NAALAD2: variants seen among roughly 807,000 people sequenced by gnomAD.
The protein encoded by NAALAD2 is N-acetylated-alpha-linked acidic dipeptidase 2.
A neutral mutation model predicts 95.6 loss-of-function variants in NAALAD2; 89 were observed. That is an observed-to-expected ratio of 0.93 (90% CI 0.78 to 1.11). The LOEUF is 1.11. Ranked by LOEUF, NAALAD2 falls within the 50% of genes least tolerant of loss-of-function variation. The pLI is 0.00. For synonymous variants in NAALAD2, 264 were observed against 294.4 expected (o/e 0.90, Z 1.06); for missense variants, 894 against 872.4 (o/e 1.02, Z -0.31).
intron 18 of NAALAD2, among the ~76,000 whole-genome samples, chr11:90,186,743 TA>T (rs1857154339): frequency 6.9e-6 from 1 of 145,550 alleles, no homozygotes; most frequent in South Asian, 2.4e-4. Context: ...ACCTAGGCAT[TA>T]CCATTCAGGA....
intron 16 of NAALAD2, 144 bp from the exon 17 acceptor site, chr11:90,181,476 A>G (rs1952965978): frequency 4.9e-6 from 3 of 614,866 alleles, no homozygotes; most frequent in Non-Finnish European, 8.8e-6. Context: ...ATTTTCTACT[A>G]ATTTTCATGG....
chr11:90,142,649 T>A (rs1360503166), intron 2 of NAALAD2, among the ~76,000 whole-genome samples: 1 of 152,134 alleles, frequency 6.6e-6, no homozygotes, highest in Non-Finnish European at 1.5e-5. Flanking sequence ...ATAATAGATA[T>A]TTGCTTTTTT....
chr11:90,163,502 G>A (rs773170071), intron 10 of NAALAD2, 33 bp from the exon 11 acceptor site: 73 of 1,613,224 alleles, frequency 4.5e-5, no homozygotes, highest in Non-Finnish European at 6.0e-5. Context: ...TTAGGCAGTT[G>A]TACCTAACCA....
chr11:90,161,569 G>A (rs775073644), intron 8 of NAALAD2, among the ~76,000 whole-genome samples: 7 of 152,138 alleles, frequency 4.6e-5, no homozygotes, highest in African/African-American at 7.2e-5. Context: ...TATTTGAAAC[G>A]TGATAAGTTT....
In NAALAD2 at chr11:90,178,075, A is replaced by G; in HGVS notation, c.1816A>G (p.Lys606Glu). The G allele has an allele frequency of 6.2e-7, 1 of 1,613,226 alleles. No individual in the cohort carries two copies. The change falls in exon 16 of 19, where the codon AAG (lysine) becomes GAG (glutamate). Residue 606 changes from lysine (K) to glutamate (E), a missense_variant. Lys to Glu is a moderately conservative substitution (Grantham distance 56, BLOSUM62 1). Transcript: ENST00000534061. Reference protein sequence around the residue: ...NYAASIYNLSKKHDQQLTDHG... With the variant: ...NYAASIYNLSEKHDQQLTDHG... Reference sequence around the variant, plus strand: ...TGCAGCAAGTATCTATAATCTATCTAAGAAACATGATCAACAATTGACAGA... The same window carrying G: ...TGCAGCAAGTATCTATAATCTATCTGAGAAACATGATCAACAATTGACAGA...
chr11:90,165,874 A>C (rs1379505139), intron 11 of NAALAD2, among the ~76,000 whole-genome samples: 4 of 152,324 alleles, frequency 2.6e-5, no homozygotes, highest in African/African-American at 9.6e-5. Flanking sequence ...AGCTGAACAT[A>C]AAGAAATCTA....
In NAALAD2 at chr11:90,163,492, T is replaced by C. The variant is rs563966731; in HGVS notation, c.1196-43T>C. Reference sequence around the variant, plus strand: ...GACTTACTGAATTTTCTTTTATTTTTTAGGCAGTTGTACCTAACCACGTGT... The same window carrying C: ...GACTTACTGAATTTTCTTTTATTTTCTAGGCAGTTGTACCTAACCACGTGT... On this transcript the variant is annotated intron_variant, in intron 10 of 18. Coordinates refer to ENST00000534061, the MANE Select transcript of NAALAD2 (RefSeq NM_005467.4). The C allele has an allele frequency of 4.2e-5, 68 of 1,613,242 alleles. 1 individual carries two copies. The South Asian group carries it at 6.4e-4, about 15-fold the overall frequency.
chr11:90,190,514 T>C (rs1857292310), intron 18 of NAALAD2, among the ~76,000 whole-genome samples: 2 of 152,196 alleles, frequency 1.3e-5, no homozygotes, highest in African/African-American at 4.8e-5. Context: ...TCGCTTCCTA[T>C]ATCAAATTTT....
At chr11:90,149,989 C>T (rs1209328140) in intron 4 of NAALAD2, among the ~76,000 whole-genome samples, 1 of 152,154 alleles carries the variant, frequency 6.6e-6, no homozygotes, top group Non-Finnish European at 1.5e-5. Flanking sequence ...TGGTGGCTCA[C>T]ACCTGTAATC....
intron 3 of NAALAD2, 39 bp from the exon 4 acceptor site, chr11:90,148,967 T>C (rs1951819603): frequency 1.6e-6 from 2 of 1,286,398 alleles, no homozygotes; most frequent in Admixed American, 3.7e-5. Context: ...AATAATAATC[T>C]GGAATTTTTC....
chr11:90,132,969 T>C (rs1260430502), upstream of NAALAD2, among the ~76,000 whole-genome samples: 2 of 152,210 alleles, frequency 1.3e-5, no homozygotes, highest in African/African-American at 4.8e-5. Flanking sequence ...TAAGGAGGTT[T>C]GCTTCAAAGT....
chr11:90,188,687 A>C (rs998256592), intron 18 of NAALAD2, among the ~76,000 whole-genome samples: 2 of 152,246 alleles, frequency 1.3e-5, no homozygotes, highest in Admixed American at 6.5e-5. Context: ...GGGAATGAAC[A>C]CATTCAGACC....
rs549219589 is a variant in NAALAD2, at chr11:90,163,692, C to T, written c.1278+75C>T. 1.0e-5 allele frequency: 13 copies of T among 1,287,260 alleles called. No homozygotes were observed. The South Asian group carries it at 1.2e-4, about 12-fold the overall frequency. The allele number at this position is 1,287,260 out of a possible 1,614,324, so 79.7% of individuals were successfully genotyped here. A position where few individuals can be genotyped will look rare whatever the true frequency, so the allele number is the denominator to read the frequency against. On this transcript the variant is annotated intron_variant, in intron 11 of 18. Transcript: ENST00000534061. ...AAATATGTATGTGTCTCAGGATGAT[C>T]AAAAATATATTCCATTACCTAATAT...
At chr11:90,134,420 G>T, upstream of NAALAD2, 1 of 250,662 alleles carries the variant, frequency 4.0e-6, no homozygotes, top group South Asian at 7.3e-5. Flanking sequence ...GCATTTTGGG[G>T]GATGGGCATG....
intron 12 of NAALAD2, chr11:90,169,504 T>C (rs2134945818): frequency 7.0e-6 from 1 of 143,534 alleles, no homozygotes; most frequent in African/African-American, 2.6e-5. Flanking sequence ...AGACCCTGAC[T>C]CTCAAAAAAA....
At chr11:90,146,199 A>G (rs1951745545) in intron 2 of NAALAD2, among the ~76,000 whole-genome samples, 1 of 151,774 alleles carries the variant, frequency 6.6e-6, no homozygotes. Flanking sequence ...AAGTGAATGT[A>G]GAGTGCTTGT....
chr11:90,170,740 T>A (rs1380819687), intron 13 of NAALAD2, among the ~76,000 whole-genome samples: 1 of 152,092 alleles, frequency 6.6e-6, no homozygotes, highest in South Asian at 2.1e-4. Context: ...GAGTCACTGA[T>A]GTTTGGACTG....
intron 14 of NAALAD2, among the ~76,000 whole-genome samples, chr11:90,175,731 A>G (rs1418557027): frequency 6.6e-6 from 1 of 152,122 alleles, no homozygotes; most frequent in Non-Finnish European, 1.5e-5. Context: ...GTGCAAAAGT[A>G]TTTGCAGTTT....
chr11:90,134,862 C>A (rs776040205), intron 1 of NAALAD2, 22 bp downstream of exon 1: 6 of 1,611,714 alleles, frequency 3.7e-6, no homozygotes, highest in Non-Finnish European at 5.1e-6. Context: ...AAACACTCTA[C>A]CCCGACTCCG....
Sources: allele counts gnomAD v4.1 joint callset (sites outside exome capture counted in the v4.1 genomes callset), GRCh38; gene constraint gnomAD v4.1.1; transcripts MANE v1.5; gene names NCBI Gene and HGNC (gene_info 2026-07-23, HGNC 2026-07-21).